Variants in PRKCE observed in about 807,000 individuals in gnomAD.
The protein encoded by PRKCE is protein kinase C epsilon.
PRKCE carries 16 observed loss-of-function variants against 85.4 expected under a neutral mutation model. The ratio of observed to expected loss-of-function variants is 0.19; its 90% CI spans 0.13 to 0.28. PRKCE has a LOEUF of 0.28. Among genes scored for constraint, PRKCE ranks in the 10% least tolerant of loss-of-function variants. The pLI is 1.00. For synonymous variants in PRKCE, 388 were observed against 371.5 expected (o/e 1.04, Z -0.51); for missense variants, 573 against 975.2 (o/e 0.59, Z 5.49).
At chr2:45,945,551 C>T (rs1026059539) in intron 2 of PRKCE, among the ~76,000 whole-genome samples, 1 of 152,154 alleles carries the variant, frequency 6.6e-6, no homozygotes, top group Non-Finnish European at 1.5e-5. Flanking sequence ...AGAGGACAAA[C>T]GTCGAAACTA....
chr2:46,098,491 TG>T (rs1370740339), intron 11 of PRKCE, among the ~76,000 whole-genome samples: 2 of 152,234 alleles, frequency 1.3e-5, no homozygotes, highest in African/African-American at 4.8e-5. Flanking sequence ...AGATTCACTT[TG>T]TCCATCTCAA....
intron 10 of PRKCE, among the ~76,000 whole-genome samples, chr2:46,048,465 G>A (rs1574328665): frequency 6.6e-6 from 1 of 152,298 alleles, no homozygotes; most frequent in East Asian, 1.9e-4. Context: ...GGTTCACTGG[G>A]CTCAATGTCC....
At chr2:45,970,081 A>G (rs1702008211) in intron 2 of PRKCE, among the ~76,000 whole-genome samples, 1 of 152,248 alleles carries the variant, frequency 6.6e-6, no homozygotes. Context: ...TGCCGAATCA[A>G]AGGATGTGAA....
chr2:46,041,467 C>T lies in PRKCE; in HGVS notation c.1437+30950C>T, dbSNP rs1708210519. On this transcript the variant is annotated intron_variant, in intron 10 of 14. Coordinates refer to ENST00000306156, the MANE Select transcript of PRKCE (RefSeq NM_005400.3). This position sits in a 1 kb window ranked among gnomAD's most constrained non-coding sequence, Gnocchi z 5.5. The stretch of plus-strand genomic sequence containing the variant: ...TGTTTCCCTGCCCTAACTCAGTTCA[C>T]ATCCAGACTGGCTTCTAGAAGAAAG... Among the ~76,000 whole-genome samples the T allele has an allele frequency of 6.6e-6, 1 of 152,200 alleles. No homozygotes were observed. Among genetic ancestry groups the T allele is most frequent in the Admixed American group, 6.5e-5 (1 of 15,286 alleles).
rs527850918 is a variant in PRKCE, at chr2:46,032,792, G to A, written c.1437+22275G>A. 5.2e-4 allele frequency among the ~76,000 whole-genome samples: 79 copies of A among 152,298 alleles called. 1 individual carries two copies. In the South Asian group the frequency reaches 0.01, roughly 20 times the overall value. On this transcript the variant is annotated intron_variant, in intron 10 of 14. Coordinates refer to ENST00000306156, the MANE Select transcript of PRKCE (RefSeq NM_005400.3). ...CTTAAGAATGACTTTAGTTAGTCAT[G>A]GGTAAAGTTTATCTTCCAAGGTGTG...
At chr2:46,029,119 A>C (rs1707334025) in intron 10 of PRKCE, among the ~76,000 whole-genome samples, 1 of 152,188 alleles carries the variant, frequency 6.6e-6, no homozygotes, top group African/African-American at 2.4e-5. Flanking sequence ...TAATGTTCTT[A>C]TGGCACTTAC....
intron 2 of PRKCE, among the ~76,000 whole-genome samples, chr2:45,896,359 G>C (rs1219584694): frequency 6.6e-6 from 1 of 152,162 alleles, no homozygotes; most frequent in East Asian, 1.9e-4. Flanking sequence ...GCACCTAGAT[G>C]AAAGTCATGG....
intron 1 of PRKCE, among the ~76,000 whole-genome samples, chr2:45,737,527 G>T (rs958781248): frequency 1.3e-5 from 2 of 151,874 alleles, no homozygotes; most frequent in African/African-American, 2.4e-5. Context: ...GCTCCTCCTC[G>T]CAACTGCCCA....
At chr2:45,750,654 G>T (rs530688419) in intron 1 of PRKCE, among the ~76,000 whole-genome samples, 2 of 152,292 alleles carry the variant, frequency 1.3e-5, no homozygotes, top group African/African-American at 4.8e-5. Flanking sequence ...ATTTAATACT[G>T]CTATGCCTCA....
In PRKCE at chr2:46,001,510, A is replaced by C; in HGVS notation, c.930A>C (p.Pro310=). ...TACTGGCCGACCTGGGCGTTACCCC[A>C]GACAAAATCACCAACAGCGGCCAGA... The part of the protein sequence containing the change: ...AKVLADLGVT[P]DKITNSGQRR... The change falls in exon 7 of 15, where the codon CCA becomes CCC. Residue 310 remains proline (P), a synonymous_variant. Coordinates refer to ENST00000306156, the MANE Select transcript of PRKCE (RefSeq NM_005400.3). This position sits in a 1 kb window ranked among gnomAD's most constrained non-coding sequence, Gnocchi z 4.4. The C allele has an allele frequency of 6.3e-7, 1 of 1,599,386 alleles. No homozygotes were observed. The highest frequency in any genetic ancestry group is 8.5e-7 in the Non-Finnish European group (1 of 1,179,770).
Position 46,184,620 on chromosome 2 carries a change from G to A in PRKCE, c.2068-115G>A. On this transcript the variant is annotated intron_variant, in intron 14 of 14. Transcript: ENST00000306156. This position sits in a 1 kb window ranked among gnomAD's most constrained non-coding sequence, Gnocchi z 5.0. Reference sequence around the variant, plus strand: ...GACAGCCCCGTGTCTGCTGTCTGTTGGTAGCTAGAGGCCTGCTTTGGTGAC... The same window carrying A: ...GACAGCCCCGTGTCTGCTGTCTGTTAGTAGCTAGAGGCCTGCTTTGGTGAC... The A allele has an allele frequency of 7.5e-7, 1 of 1,328,852 alleles. No individual in the cohort carries two copies. The allele number at this position is 1,328,852 out of a possible 1,614,324, so 82.3% of individuals were successfully genotyped here. A position where few individuals can be genotyped will look rare whatever the true frequency, so the allele number is the denominator to read the frequency against.
Position 46,055,493 on chromosome 2 carries a change from T to C in PRKCE, c.1438-30715T>C, listed in dbSNP as rs141809790. On this transcript the variant is annotated intron_variant, in intron 10 of 14. Transcript: ENST00000306156. ...CAGTCAGACTGAAATTCATCAAAGC[T>C]AGTTATCTGGCTTGTGTATTTTCTG... 4.0e-4 allele frequency among the ~76,000 whole-genome samples: 61 copies of C among 152,358 alleles called. 1 individual carries two copies. The East Asian group carries it at 6.8e-3, about 17-fold the overall frequency.
chr2:45,822,705 G>A (rs57259114), intron 1 of PRKCE, among the ~76,000 whole-genome samples: 1,752 of 152,282 alleles, frequency 0.012, 36 homozygotes, highest in African/African-American at 0.039. Context: ...CAAGACGTCC[G>A]AATCCGTGTC....
At chr2:45,679,435 A>C (rs1249070942) in intron 1 of PRKCE, among the ~76,000 whole-genome samples, 1 of 152,226 alleles carries the variant, frequency 6.6e-6, no homozygotes, top group Non-Finnish European at 1.5e-5. Context: ...GGGCTAAAGA[A>C]AATAATTCTG....
intron 1 of PRKCE, among the ~76,000 whole-genome samples, chr2:45,816,656 C>T (rs958840255): frequency 1.3e-5 from 2 of 152,188 alleles, no homozygotes; most frequent in Non-Finnish European, 2.9e-5. Flanking sequence ...GAGCAATCTT[C>T]CTTTCCTCTG....
chr2:45,821,844 A>G (rs998585461), intron 1 of PRKCE, among the ~76,000 whole-genome samples: 2 of 152,180 alleles, frequency 1.3e-5, no homozygotes, highest in Non-Finnish European at 2.9e-5. Flanking sequence ...TTGAGATTCT[A>G]TCTGCTGGGT....
At position 46,155,456 on chromosome 2, in the gene PRKCE, C is replaced by G. The variant is rs1677103887; in HGVS notation, c.1921-4150C>G. The stretch of plus-strand genomic sequence containing the variant: ...CCGGGTCCTCTGGGTACCCTGTGCT[C>G]TCCCCTGCACAGCACTCTCCCACTT... On this transcript the variant is annotated intron_variant, in intron 13 of 14. Transcript: ENST00000306156. The surrounding 1 kb of genome is among the most constrained non-coding windows in gnomAD (Gnocchi z 4.7). 6.6e-6 allele frequency among the ~76,000 whole-genome samples: 1 copy of G among 152,104 alleles called. No homozygotes were observed. Among genetic ancestry groups the G allele is most frequent in the South Asian group, 2.1e-4 (1 of 4,816 alleles).
chr2:45,995,155 A>T (rs1460406674), intron 6 of PRKCE, among the ~76,000 whole-genome samples: 1 of 151,968 alleles, frequency 6.6e-6, no homozygotes, highest in East Asian at 1.9e-4. Context: ...TAAGTTTAAG[A>T]GTTTGTTGCC....
intron 11 of PRKCE, among the ~76,000 whole-genome samples, chr2:46,110,490 A>C (rs949962734): frequency 2.6e-5 from 4 of 152,214 alleles, no homozygotes; most frequent in African/African-American, 4.8e-5. Flanking sequence ...AGTTCTTTAC[A>C]GCATTCATTT....
Sources: gnomAD v4.1 joint callset for allele counts (sites outside exome capture counted in the v4.1 genomes callset) on GRCh38, gnomAD v4.1.1 for gene constraint, Gnocchi (gnomAD v3.1) non-coding constraint, MANE v1.5 for transcripts, NCBI Gene and HGNC (gene_info 2026-07-23, HGNC 2026-07-21) for gene names.